The following RTCB variants were observed in gnomAD, a reference collection of about 807,000 sequenced individuals.
RTCB encodes the protein RNA-splicing ligase RTCB.
RTCB carries 32 observed loss-of-function variants against 58.2 expected under a neutral mutation model. That is an observed-to-expected ratio of 0.55 (90% CI 0.41 to 0.74). RTCB has a LOEUF of 0.74. RTCB is among the 30% of genes least tolerant of loss of function. The pLI, the probability that RTCB is intolerant of heterozygous loss-of-function variation, is 0.00. For synonymous variants in RTCB, 247 were observed against 218.6 expected (o/e 1.13, Z -1.15); for missense variants, 523 against 639.0 (o/e 0.82, Z 1.96).
At position 32,412,238 on chromosome 22, in the gene RTCB, T is replaced by C; in HGVS notation, c.-82A>G. ...TAGTCCGGCTTCTCAGAGCACCGCC[T>C]TCCAAGAACCAAAGCGCAGGCGCGA... On this transcript the variant is annotated 5_prime_UTR_variant, in exon 1 of 12. Coordinates refer to ENST00000216038, the MANE Select transcript of RTCB (RefSeq NM_014306.5). The C allele has an allele frequency of 5.7e-6, 7 of 1,219,304 alleles. No homozygotes were observed. The highest frequency in any genetic ancestry group is 8.1e-6 in the Non-Finnish European group (7 of 869,326). 75.5% of individuals were successfully genotyped at this position (1,219,304 alleles called of 1,614,324 possible).
intron 7 of RTCB, among the ~76,000 whole-genome samples, chr22:32,396,640 CAG>C (rs1366588943): frequency 6.6e-6 from 1 of 152,170 alleles, no homozygotes; most frequent in East Asian, 1.9e-4. Flanking sequence ...GAGAAGTACT[CAG>C]GGGAATGTTC....
At position 32,395,182 on chromosome 22, in the gene RTCB, A is replaced by G. The variant is rs370431155; in HGVS notation, c.1023T>C (p.Asp341=). 1.9e-6 allele frequency: 3 copies of G among 1,614,118 alleles called. No homozygotes were observed. The highest frequency in any genetic ancestry group is 2.7e-5 in the African/African-American group (2 of 74,944). The change falls in exon 9 of 12, where the codon GAT becomes GAC. Residue 341 remains aspartate (D), a synonymous_variant. Coordinates refer to ENST00000216038, the MANE Select transcript of RTCB (RefSeq NM_014306.5). Reference sequence around the variant, plus strand: ...CATAGATCACATGTAGGTCCAAGTCATCAGGGGTTGTGTTGAAGACCTTGG... The same window carrying G: ...CATAGATCACATGTAGGTCCAAGTCGTCAGGGGTTGTGTTGAAGACCTTGG... ...AFAKVFNTTP[D]DLDLHVIYDV... is the part of the protein sequence containing the mutation.
At chr22:32,392,761 A>C (rs1448878161) in intron 10 of RTCB, among the ~76,000 whole-genome samples, 1 of 152,142 alleles carries the variant, frequency 6.6e-6, no homozygotes. Flanking sequence ...AATGAGAAAC[A>C]ATCAGAAAAA....
At position 32,412,087 on chromosome 22, in the gene RTCB, T is replaced by C; in HGVS notation, c.70A>G (p.Lys24Glu). Residue 24 changes from lysine (K) to glutamate (E), a missense_variant, in exon 1 of 12, where the codon AAG becomes GAG. By Grantham distance (56) the Lys-to-Glu change is moderately conservative. This residue lies in a region of RTCB where 134 missense variants were observed against 129.9 expected (regional missense o/e 1.03). Coordinates refer to ENST00000216038, the MANE Select transcript of RTCB (RefSeq NM_014306.5). ...ACCTGCATGTTGGGCACGAAGCCCT[T>C]CTTGATCCTCCAGCAGTTTTTATTG... Reference protein sequence around the residue: ...KINKNCWRIKKGFVPNMQVEG... With the variant: ...KINKNCWRIKEGFVPNMQVEG... 6.2e-7 allele frequency: 1 copy of C among 1,609,344 alleles called. No individual in the cohort carries two copies.
intron 10 of RTCB, chr22:32,392,588 C>T (rs1933173614): frequency 1.5e-6 from 1 of 667,638 alleles, no homozygotes; most frequent in African/African-American, 1.8e-5. Context: ...GTGTATTCAG[C>T]AGCATCCCTC....
chr22:32,395,664 C>T (rs1178708823), intron 8 of RTCB, among the ~76,000 whole-genome samples: 2 of 152,214 alleles, frequency 1.3e-5, no homozygotes, highest in African/African-American at 4.8e-5. Context: ...ATTTCCAAAA[C>T]CAAACACCAT....
At chr22:32,396,880 A>G (rs1933254720) in intron 7 of RTCB, among the ~76,000 whole-genome samples, 1 of 152,206 alleles carries the variant, frequency 6.6e-6, no homozygotes, top group African/African-American at 2.4e-5. Context: ...ACTGGAGGCT[A>G]TGAGTAAACA....
chr22:32,397,475 AC>A (rs1240106461), intron 7 of RTCB, among the ~76,000 whole-genome samples: 3 of 152,206 alleles, frequency 2.0e-5, no homozygotes, highest in Non-Finnish European at 2.9e-5. Context: ...AATGGACATG[AC>A]CTTTACTTCA....
intron 11 of RTCB, among the ~76,000 whole-genome samples, chr22:32,391,644 G>A (rs1601423742): frequency 6.6e-6 from 1 of 152,062 alleles, no homozygotes; most frequent in Non-Finnish European, 1.5e-5. Flanking sequence ...GCCCACCTCG[G>A]CCTCCCAAAA....
rs374342083 is a variant in RTCB at position 32,408,857 on chromosome 22, C to G, written c.94-24G>C. 4 of 1,566,004 alleles carry G rather than the reference C, an allele frequency of 2.6e-6. No homozygotes were observed. The Admixed American group carries it at 6.7e-5, about 26-fold the overall frequency. The stretch of plus-strand genomic sequence containing the variant: ...ACCTAGTACCAAGGAAAGTGAAAAG[C>G]AATGTCTGAGTACATGCGCGGCAAG... On this transcript the variant is annotated intron_variant, in intron 1 of 11. Transcript: ENST00000216038.
At chr22:32,405,176 A>G (rs1173691281) in intron 4 of RTCB, among the ~76,000 whole-genome samples, 4 of 152,212 alleles carry the variant, frequency 2.6e-5, no homozygotes, top group East Asian at 1.9e-4. Context: ...CTCAAAAGCT[A>G]TATGACATAA....
At chr22:32,392,023 ATTC>A (rs1190088969) in intron 11 of RTCB, among the ~76,000 whole-genome samples, 1 of 152,200 alleles carries the variant, frequency 6.6e-6, no homozygotes, top group Non-Finnish European at 1.5e-5. Flanking sequence ...AGTAAAAATC[ATTC>A]TTAAGGACTT....
At chr22:32,407,927 A>AT (rs892472437) in intron 3 of RTCB, 25 of 470,202 alleles carry the variant, frequency 5.3e-5, no homozygotes, top group Middle Eastern at 6.0e-4. Context: ...CACCTGACTA[A>AT]TTTTTTTGGT....
intron 4 of RTCB, among the ~76,000 whole-genome samples, chr22:32,403,942 T>C (rs946106820): frequency 4.6e-5 from 7 of 152,248 alleles, no homozygotes; most frequent in African/African-American, 1.7e-4. Flanking sequence ...TATTTTCGTT[T>C]CTGTGTCTGG....
intron 7 of RTCB, among the ~76,000 whole-genome samples, chr22:32,397,184 C>T (rs544067324): frequency 6.0e-4 from 91 of 152,302 alleles, no homozygotes; most frequent in South Asian, 2.1e-4. Context: ...TTCATTTCTG[C>T]GTTCATCCCG....
chr22:32,408,390 T>A (rs1164231805), intron 2 of RTCB, 148 bp from the exon 3 acceptor site: 1 of 672,372 alleles, frequency 1.5e-6, no homozygotes, highest in Non-Finnish European at 2.6e-6. Context: ...AGATGCAAGA[T>A]GGAAGGGAGC....
At chr22:32,410,721 TC>T (rs1812314073) in intron 1 of RTCB, among the ~76,000 whole-genome samples, 1 of 106,468 alleles carries the variant, frequency 9.4e-6, no homozygotes, top group Non-Finnish European at 1.8e-5. Context: ...CTTTTTCTTT[TC>T]TTTTTTTTTT....
At chr22:32,403,141 T>A (rs1250130344) in intron 4 of RTCB, among the ~76,000 whole-genome samples, 1 of 152,142 alleles carries the variant, frequency 6.6e-6, no homozygotes, top group African/African-American at 2.4e-5. Flanking sequence ...GTGCAGGGGC[T>A]CGTGCCTGTA....
At chr22:32,390,096 G>A (rs763206691) in intron 11 of RTCB, among the ~76,000 whole-genome samples, 16 of 151,962 alleles carry the variant, frequency 1.1e-4, no homozygotes, top group Non-Finnish European at 1.9e-4. Flanking sequence ...AGTCTTCTCC[G>A]ACCACCTGCT....
Sources: gnomAD v4.1 joint callset for allele counts (sites outside exome capture counted in the v4.1 genomes callset) on GRCh38, gnomAD v4.1.1 for gene constraint, gnomAD v4.1.1 regional missense constraint, MANE v1.5 for transcripts, NCBI Gene and HGNC (gene_info 2026-07-23, HGNC 2026-07-21) for gene names.